IDUA: variants seen among roughly 807,000 people sequenced by gnomAD.
The protein encoded by IDUA is iduronidase alpha-L-.
IDUA carries 65 observed loss-of-function variants against 68.9 expected under a neutral mutation model. The observed-to-expected ratio is 0.94, with a 90% CI of 0.77 to 1.16. The LOEUF is 1.16. Ranked by LOEUF, IDUA falls within the 50% of genes most tolerant of loss-of-function variation. The pLI is 0.00. For synonymous variants in IDUA, 529 were observed against 433.6 expected (o/e 1.22, Z -2.73); for missense variants, 1,046 against 938.0 (o/e 1.12, Z -1.50).
At chr4:993,417 G>A (rs80086308) in intron 2 of IDUA, 8,380 of 152,422 alleles carry the variant, frequency 0.055, 358 homozygotes, top group Middle Eastern at 0.17. Context: ...GGGTGGTGGC[G>A]CCAACCTGCA....
At chr4:988,437 G>A (rs1713923170) in intron 2 of IDUA, 2 of 1,072,738 alleles carry the variant, frequency 1.9e-6, no homozygotes, top group South Asian at 3.6e-5. Context: ...CCTACCAGCA[G>A]GGTGGGCACC....
rs1713832634 is a variant in IDUA at position 987,564 on chromosome 4, A to G, written c.159-245A>G. ...CATTCCTTCCACCTAGAGCTGAGGT[A>G]CCCGCCTTCCTGGCAGGGCCAGGGC... On this transcript the variant is annotated intron_variant, in intron 1 of 13. Coordinates refer to ENST00000514224, the MANE Select transcript of IDUA (RefSeq NM_000203.5). 8 of 1,293,750 alleles carry G rather than the reference A, an allele frequency of 6.2e-6. No individual in the cohort carries two copies. The South Asian group carries it at 1.1e-4, about 18-fold the overall frequency. The allele number at this position is 1,293,750 out of a possible 1,614,324, so 80.1% of individuals were successfully genotyped here.
intron 2 of IDUA, chr4:988,299 C>G (rs1713907868): frequency 8.9e-7 from 1 of 1,128,946 alleles, no homozygotes; most frequent in Non-Finnish European, 1.1e-6. Context: ...GTCACAGCAC[C>G]CTGGGCCCTG....
At chr4:1,000,817 C>T in intron 3 of IDUA, 65 bp from the exon 4 acceptor site, 1 of 1,520,070 alleles carries the variant, frequency 6.6e-7, no homozygotes, top group Non-Finnish European at 9.1e-7. Context: ...GGTGCCGGAG[C>T]ACAGGCCTGG....
Position 987,098 on chromosome 4 carries a change from G to GC in IDUA, c.19dup (p.Arg7ProfsTer56). 6.8e-7 allele frequency: 1 copy of GC among 1,464,280 alleles called. No homozygotes were observed. The highest frequency in any genetic ancestry group is 2.4e-5 in the Admixed American group (1 of 42,428). 90.7% of individuals were successfully genotyped at this position (1,464,280 alleles called of 1,614,324 possible). ...GCACGCGTGGCCATGCGTCCCCTGC[G>GC]CCCCCGCGCCGCGCTGCTGGCGCTC... On this transcript the variant is annotated frameshift_variant, in exon 1 of 14. Coordinates refer to ENST00000514224, the MANE Select transcript of IDUA (RefSeq NM_000203.5). LOFTEE classifies it high-confidence loss of function.
At chr4:988,334 TGA>T (rs1713910488) in intron 2 of IDUA, 1 of 1,088,414 alleles carries the variant, frequency 9.2e-7, no homozygotes, top group African/African-American at 1.7e-5. Context: ...GGCCACCCTG[TGA>T]GGGGGAGGCA....
intron 2 of IDUA, among the ~76,000 whole-genome samples, chr4:995,046 C>CTT (rs562525715): frequency 8.6e-5 from 12 of 138,976 alleles, no homozygotes; most frequent in East Asian, 4.2e-4. Flanking sequence ...GCCTACAAGT[C>CTT]TTTTTTTTTT....
chr4:988,094 T>C (rs1713889446), intron 2 of IDUA, 145 bp downstream of exon 2: 1 of 1,447,430 alleles, frequency 6.9e-7, no homozygotes, highest in Non-Finnish European at 9.1e-7. Flanking sequence ...CCTTGCTGGC[T>C]GTGCTGGGGT....
chr4:1,001,464 G>C lies in IDUA; in HGVS notation c.494-4G>C, dbSNP rs764748093. 14 of 1,612,576 alleles carry C rather than the reference G, an allele frequency of 8.7e-6. No homozygotes were observed. Among genetic ancestry groups the C allele is most frequent in the Non-Finnish European group, 1.2e-5 (14 of 1,179,496 alleles). ...GCTGGGGGGACAGCAAGGCTCCTCT[G>C]CAGGTAGGTACGGACTGGCGCATGT... is the stretch of plus-strand genomic sequence containing the variant. On this transcript the variant is annotated splice_region_variant and splice_polypyrimidine_tract_variant and intron_variant, in intron 4 of 13. Transcript: ENST00000514224.
intron 2 of IDUA, chr4:989,565 C>A: frequency 6.3e-7 from 1 of 1,588,992 alleles, no homozygotes; most frequent in Non-Finnish European, 8.6e-7. Flanking sequence ...GCGGGAGGTC[C>A]CACACCTTGC....
At position 989,360 on chromosome 4, in the gene IDUA, CTG is replaced by C. The variant is rs1553915228; in HGVS notation, c.299+1414_299+1415del. The C allele has an allele frequency of 4.4e-6, 7 of 1,592,672 alleles. No individual in the cohort carries two copies. In the East Asian group the frequency reaches 1.6e-4, roughly 36 times the overall value. On this transcript the variant is annotated intron_variant, in intron 2 of 13. Transcript: ENST00000514224. ...GGCTCAGGGACGAGGCCCTCGAACT[CTG>C]TGGCATCCTCGTAGAAGGCCGTGTC...
rs1478466087 is a variant in IDUA, at chr4:987,150, G to A, written c.66G>A (p.Pro22=). The A allele has an allele frequency of 2.8e-6, 4 of 1,417,732 alleles. No homozygotes were observed. The African/African-American group carries it at 6.0e-5, about 21-fold the overall frequency. The allele number at this position is 1,417,732 out of a possible 1,614,324, so 87.8% of individuals were successfully genotyped here. ...ALLASLLAAP[P]VAPAEAPHLV... is the part of the protein sequence containing the mutation. Reference sequence around the variant, plus strand: ...TGGCCTCGCTCCTGGCCGCGCCCCCGGTGGCCCCGGCCGAGGCCCCGCACC... The same window carrying A: ...TGGCCTCGCTCCTGGCCGCGCCCCCAGTGGCCCCGGCCGAGGCCCCGCACC... Residue 22 remains proline (P), a synonymous_variant, in exon 1 of 14, where the codon CCG becomes CCA. Transcript: ENST00000514224.
chr4:992,076 C>T, intron 2 of IDUA: 1 of 529,462 alleles, frequency 1.9e-6, no homozygotes, highest in South Asian at 1.6e-5. Context: ...GAAAACCACC[C>T]TGTAGCCTCC....
intron 1 of IDUA, among the ~76,000 whole-genome samples, chr4:987,502 G>C (rs1191408662): frequency 1.3e-5 from 2 of 152,210 alleles, no homozygotes; most frequent in African/African-American, 4.8e-5. Flanking sequence ...TCCCCTGGGA[G>C]TGGACGGCCC....
Position 987,045 on chromosome 4 carries a change from G to A in IDUA, c.-40G>A. ...CTCCGACCCGGAGGCGGAACCGGCAGTGCAGCCCGAAGCCCCGCAGTCCCC... is the reference window on the plus strand; with the variant it reads ...CTCCGACCCGGAGGCGGAACCGGCAATGCAGCCCGAAGCCCCGCAGTCCCC... On this transcript the variant is annotated 5_prime_UTR_variant, in exon 1 of 14. The change creates a new upstream start codon in the 5' untranslated region. Coordinates refer to ENST00000514224, the MANE Select transcript of IDUA (RefSeq NM_000203.5). 1 of 1,501,494 alleles carries A rather than the reference G, an allele frequency of 6.7e-7. No homozygotes were observed. The highest frequency in any genetic ancestry group is 2.0e-5 in the Admixed American group (1 of 50,984). 93.0% of individuals were successfully genotyped at this position (1,501,494 alleles called of 1,614,324 possible).
intron 10 of IDUA, 25 bp from the exon 11 acceptor site, chr4:1,003,320 C>A: frequency 6.9e-7 from 1 of 1,440,704 alleles, no homozygotes; most frequent in South Asian, 1.4e-5. Context: ...CCTGGAGAAC[C>A]CTGAGGACCG....
At chr4:992,208 T>G in intron 2 of IDUA, 1 of 458,560 alleles carries the variant, frequency 2.2e-6, no homozygotes. Context: ...AGCTGCTCCG[T>G]GTCCACCTCC....
Position 987,113 on chromosome 4 carries a change from T to G in IDUA, c.29T>G (p.Leu10Arg). ...CGTCCCCTGCGCCCCCGCGCCGCGC[T>G]GCTGGCGCTCCTGGCCTCGCTCCTG... is the stretch of plus-strand genomic sequence containing the variant. MRPLRPRAA[L>R]LALLASLLAA... Residue 10 changes from leucine to arginine, a missense_variant, in exon 1 of 14, where the codon CTG (leucine) becomes CGG (arginine). Coordinates refer to ENST00000514224, the MANE Select transcript of IDUA (RefSeq NM_000203.5). 8 of 1,447,410 alleles carry G rather than the reference T, an allele frequency of 5.5e-6. No individual in the cohort carries two copies. The highest frequency in any genetic ancestry group is 6.3e-6 in the Non-Finnish European group (7 of 1,104,566). The allele number at this position is 1,447,410 out of a possible 1,614,324, so 89.7% of individuals were successfully genotyped here.
chr4:987,679 T>G, intron 1 of IDUA, 130 bp from the exon 2 acceptor site: 1 of 1,503,058 alleles, frequency 6.7e-7, no homozygotes, highest in East Asian at 2.5e-5. Context: ...AGGGTCATTT[T>G]ATTAGTCACT....
Sources: allele counts gnomAD v4.1 joint callset (sites outside exome capture counted in the v4.1 genomes callset), GRCh38; gene constraint gnomAD v4.1.1; transcripts MANE v1.5; gene names NCBI Gene and HGNC (gene_info 2026-07-23, HGNC 2026-07-21).